EYS: variants seen among roughly 807,000 people sequenced by gnomAD.
EYS encodes protein eyes shut homolog.
In EYS, 250 loss-of-function variants were observed where a neutral mutation model predicts 282.1. That is an observed-to-expected ratio of 0.89 (90% CI 0.80 to 0.98). The LOEUF (loss-of-function observed/expected upper bound fraction) is 0.98, where lower values mean the gene tolerates loss of function less well. Among genes scored for constraint, EYS ranks in the 50% least tolerant of loss-of-function variants. The pLI is 0.00. For missense variants in EYS, 4,016 were observed against 3,709.0 expected, an observed-to-expected ratio of 1.08 and a Z score of -2.15; for synonymous variants, 1,355 against 1,282.9, an observed-to-expected ratio of 1.06 and a Z score of -1.20.
intron 35 of EYS, among the ~76,000 whole-genome samples, chr6:63,980,640 A>AAT (rs1408607110): frequency 1.3e-5 from 2 of 151,944 alleles, no homozygotes; most frequent in Non-Finnish European, 2.9e-5. Flanking sequence ...GCTGAATATT[A>AAT]ACACATCTTA....
chr6:65,191,549 A>G lies in EYS; in HGVS notation c.2023+104314T>C, dbSNP rs1294905474. On this transcript the variant is annotated intron_variant, in intron 12 of 42. Coordinates refer to ENST00000503581, the MANE Select transcript of EYS (RefSeq NM_001142800.2). The stretch of plus-strand genomic sequence containing the variant: ...TATGTTCTTTCAACTGTGAATGCCA[A>G]TCACACACAGACATTTGCAAATTTA... Among the ~76,000 whole-genome samples the G allele has an allele frequency of 1.3e-5, 2 of 151,898 alleles. 1 individual carries two copies. The highest frequency in any genetic ancestry group is 4.1e-4 in the South Asian group (2 of 4,830).
chr6:64,471,935 A>G (rs1440998690), intron 26 of EYS, among the ~76,000 whole-genome samples: 1 of 152,034 alleles, frequency 6.6e-6, no homozygotes, highest in African/African-American at 2.4e-5. Context: ...AACTTATTTT[A>G]TATTTCATAA....
chr6:65,512,137 G>T (rs552093174), intron 2 of EYS, among the ~76,000 whole-genome samples: 1 of 151,688 alleles, frequency 6.6e-6, no homozygotes, highest in African/African-American at 2.4e-5. Context: ...CTAACTTTCC[G>T]GCACACTTAG....
At chr6:65,258,961 A>G (rs1767543904) in intron 12 of EYS, among the ~76,000 whole-genome samples, 1 of 152,128 alleles carries the variant, frequency 6.6e-6, no homozygotes, top group Admixed American at 6.6e-5. Flanking sequence ...GTGGAAATGC[A>G]AGCTGGAGGG....
At chr6:65,445,606 T>C (rs1367655608) in intron 5 of EYS, among the ~76,000 whole-genome samples, 1 of 151,818 alleles carries the variant, frequency 6.6e-6, no homozygotes, top group Non-Finnish European at 1.5e-5. Context: ...AGCCAAAGCA[T>C]ACATTCAAAC....
intron 8 of EYS, among the ~76,000 whole-genome samples, chr6:65,362,050 A>G (rs529340517): frequency 2.5e-3 from 203 of 82,698 alleles, no homozygotes; most frequent in Non-Finnish European, 4.4e-3. Flanking sequence ...TGTTCTTCCC[A>G]TATTTTCATT....
intron 31 of EYS, among the ~76,000 whole-genome samples, chr6:64,118,977 A>ATTAACATCACTAATCAGGGAAATGCAAT (rs1773481765): frequency 2.0e-5 from 3 of 152,198 alleles, no homozygotes; most frequent in Admixed American, 6.5e-5. Flanking sequence ...GGAAATGCAA[A>ATTAACATCACTAATCAGGGAAATGCAAT]TTAAAATCAC....
intron 22 of EYS, among the ~76,000 whole-genome samples, chr6:64,708,614 C>T (rs1030565293): frequency 6.6e-6 from 1 of 151,958 alleles, no homozygotes; most frequent in Non-Finnish European, 1.5e-5. Context: ...GATTTGTTAG[C>T]TATTTGGGAA....
intron 18 of EYS, among the ~76,000 whole-genome samples, chr6:64,899,184 TAAAATCG>T (rs1767570570): frequency 6.6e-6 from 1 of 152,084 alleles, no homozygotes; most frequent in Non-Finnish European, 1.5e-5. Context: ...GCACTTATTC[TAAAATCG>T]ACCACATAAT....
intron 12 of EYS, among the ~76,000 whole-genome samples, chr6:65,246,828 G>A (rs901753309): frequency 6.6e-6 from 1 of 152,058 alleles, no homozygotes; most frequent in African/African-American, 2.4e-5. Flanking sequence ...ATCTTTAAAA[G>A]CTATTATTTC....
At chr6:64,422,433 G>C (rs55753084) in intron 28 of EYS, among the ~76,000 whole-genome samples, 5,842 of 152,166 alleles carry the variant, frequency 0.038, 365 homozygotes, top group African/African-American at 0.13. Context: ...GGTGGACAAG[G>C]GTTGTTAGGT....
At position 65,322,795 on chromosome 6, in the gene EYS, C is replaced by CAA. The variant is rs57571912; in HGVS notation, c.1766+12183_1766+12184dup. 6.3e-4 allele frequency among the ~76,000 whole-genome samples: 45 copies of CAA among 71,536 alleles called. 1 individual carries two copies. In the East Asian group the frequency reaches 0.018, roughly 28 times the overall value. 46.9% of individuals were successfully genotyped at this position (71,536 alleles called of 152,430 possible). A position where few individuals can be genotyped will look rare whatever the true frequency, so the allele number is the denominator to read the frequency against. On this transcript the variant is annotated intron_variant, in intron 11 of 42. Coordinates refer to ENST00000503581, the MANE Select transcript of EYS (RefSeq NM_001142800.2). The stretch of plus-strand genomic sequence containing the variant: ...CAGGTGAGAGAGCAAGAATCCGTCT[C>CAA]AAAAAAAAAAAAAAAAAAGAAAAAA...
intron 39 of EYS, among the ~76,000 whole-genome samples, chr6:63,779,932 G>A (rs1770170793): frequency 6.6e-6 from 1 of 152,080 alleles, no homozygotes; most frequent in African/African-American, 2.4e-5. Context: ...AGTGTGTGAT[G>A]TTCCCCACCC....
At chr6:64,998,812 T>C (rs1176831162) in intron 13 of EYS, among the ~76,000 whole-genome samples, 1 of 152,224 alleles carries the variant, frequency 6.6e-6, no homozygotes, top group Non-Finnish European at 1.5e-5. Flanking sequence ...CCACATATTA[T>C]ACAATATATA....
At chr6:63,795,234 A>G (rs948756428) in intron 37 of EYS, among the ~76,000 whole-genome samples, 3 of 152,230 alleles carry the variant, frequency 2.0e-5, no homozygotes, top group Non-Finnish European at 4.4e-5. Context: ...ATGGGGCAAC[A>G]AGATGAGATG....
chr6:64,217,302 G>A (rs1166889875), intron 31 of EYS, among the ~76,000 whole-genome samples: 1 of 152,146 alleles, frequency 6.6e-6, no homozygotes, highest in Non-Finnish European at 1.5e-5. Context: ...GCCAAGACAG[G>A]CGGATCACCT....
chr6:63,893,406 GAT>G (rs1202754580), intron 35 of EYS, among the ~76,000 whole-genome samples: 2 of 152,114 alleles, frequency 1.3e-5, no homozygotes, highest in African/African-American at 4.8e-5. Flanking sequence ...ATAAAAAAAG[GAT>G]GAGTTCTTGT....
chr6:64,125,638 T>C (rs868819147), intron 31 of EYS, among the ~76,000 whole-genome samples: 1 of 151,372 alleles, frequency 6.6e-6, no homozygotes, highest in Non-Finnish European at 1.5e-5. Flanking sequence ...TACAAAAAAT[T>C]AGCCGGGCGT....
chr6:65,471,875 A>G (rs971060543), intron 5 of EYS, among the ~76,000 whole-genome samples: 1 of 152,082 alleles, frequency 6.6e-6, no homozygotes, highest in Admixed American at 6.5e-5. Flanking sequence ...TTTTCATGGC[A>G]TTATCCTTTT....
Sources: gnomAD v4.1 joint callset for allele counts (sites outside exome capture counted in the v4.1 genomes callset) on GRCh38, gnomAD v4.1.1 for gene constraint, MANE v1.5 for transcripts, NCBI Gene and HGNC (gene_info 2026-07-23, HGNC 2026-07-21) for gene names.